The following MAMDC2 variants were observed in gnomAD, a reference collection of about 807,000 sequenced individuals.
The protein encoded by MAMDC2 is MAM domain-containing protein 2.
Under a neutral mutation model 89.8 loss-of-function variants are expected in MAMDC2, and 57 were observed. The observed-to-expected ratio is 0.63, with a 90% confidence interval of 0.51 to 0.79. MAMDC2 has a LOEUF of 0.79. MAMDC2 is among the 30% of genes least tolerant of loss of function. The probability of loss-of-function intolerance (pLI) is 0.00; values close to 1 mark genes in which losing one functional copy is unlikely to be tolerated. For missense variants in MAMDC2, 800 were observed against 820.6 expected (o/e 0.97, Z 0.31); for synonymous variants, 313 against 293.4 (o/e 1.07, Z -0.68).
chr9:70,068,871 GA>G (rs1327591214), intron 2 of MAMDC2, among the ~76,000 whole-genome samples: 2 of 152,150 alleles, frequency 1.3e-5, no homozygotes, highest in African/African-American at 2.4e-5. Context: ...GAGGACAGCA[GA>G]AAAGTTTTCT....
At chr9:70,147,624 G>A (rs1465065675) in intron 9 of MAMDC2, among the ~76,000 whole-genome samples, 2 of 149,696 alleles carry the variant, frequency 1.3e-5, no homozygotes, top group Non-Finnish European at 3.0e-5. Context: ...CCCCGACCCC[G>A]CATTTCCCTT....
intron 2 of MAMDC2, among the ~76,000 whole-genome samples, chr9:70,049,155 G>A (rs1286329743): frequency 6.6e-6 from 1 of 152,068 alleles, no homozygotes; most frequent in Non-Finnish European, 1.5e-5. Context: ...TTGTACCCAG[G>A]AGTGAGTGAT....
At chr9:70,167,894 T>C (rs769086929) in intron 9 of MAMDC2, among the ~76,000 whole-genome samples, 1 of 152,204 alleles carries the variant, frequency 6.6e-6, no homozygotes, top group African/African-American at 2.4e-5. Context: ...AAATGGAACA[T>C]AAGCCTCCAG....
In MAMDC2 at chr9:70,217,551, G is replaced by A; in HGVS notation, c.1652-786G>A. On this transcript the variant is annotated intron_variant, in intron 11 of 13. Coordinates refer to ENST00000377182, the MANE Select transcript of MAMDC2 (RefSeq NM_153267.5). Reference sequence around the variant, plus strand: ...CTGCTAAGGAAGCAAAAAAGGCTAAGCAAGCATCTAAAAAGACTGCAATGG... The same window carrying A: ...CTGCTAAGGAAGCAAAAAAGGCTAAACAAGCATCTAAAAAGACTGCAATGG... The A allele has an allele frequency of 1.9e-6, 3 of 1,590,664 alleles. No homozygotes were observed. In the Admixed American group the frequency reaches 5.0e-5, roughly 27 times the overall value.
chr9:70,082,314 TG>T (rs1172125622), intron 2 of MAMDC2, among the ~76,000 whole-genome samples: 1 of 152,178 alleles, frequency 6.6e-6, no homozygotes, highest in African/African-American at 2.4e-5. Context: ...TAAGATGGTG[TG>T]GGTAACAGCC....
rs571248142 is a variant in MAMDC2, at chr9:70,209,522, C to G, written c.1652-8815C>G. 2.9e-5 allele frequency among the ~76,000 whole-genome samples: 4 copies of G among 139,296 alleles called. No homozygotes were observed. In the East Asian group the frequency reaches 8.7e-4, roughly 30 times the overall value. 91.4% of individuals were successfully genotyped at this position (139,296 alleles called of 152,430 possible). ...TGCATCTATTTGATTCTTCTCTGTT[C>G]TTTTTTATTAGTCTGAGCGGTCTAT... On this transcript the variant is annotated intron_variant, in intron 11 of 13. Transcript: ENST00000377182.
At position 70,113,147 on chromosome 9, in the gene MAMDC2, A is replaced by C. The variant is rs1275273455; in HGVS notation, c.643+15A>C. On this transcript the variant is annotated intron_variant, in intron 5 of 13. Transcript: ENST00000377182. ...GAGTGAACTGGGTGAGCTGGGATCA[A>C]ATAGAGTCCTTTTCCCAGGATAAAT... 6 of 1,613,478 alleles carry C rather than the reference A, an allele frequency of 3.7e-6. No homozygotes were observed. The Admixed American group carries it at 6.7e-5, about 18-fold the overall frequency.
At chr9:70,191,357 AT>A (rs901803114) in intron 11 of MAMDC2, among the ~76,000 whole-genome samples, 152 of 151,220 alleles carry the variant, frequency 1.0e-3, no homozygotes, top group African/African-American at 3.1e-3. Flanking sequence ...TGTTTTATCT[AT>A]TTTTTTAAAC....
chr9:70,092,261 G>A (rs1206344240), intron 2 of MAMDC2: 3 of 152,176 alleles, frequency 2.0e-5, no homozygotes, highest in South Asian at 2.1e-4. Context: ...CTGGGGAGGT[G>A]TGTAGGCTTT....
Position 70,218,457 on chromosome 9 carries a change from G to A in MAMDC2, c.1772G>A (p.Gly591Glu), listed in dbSNP as rs765759919. 6.2e-7 allele frequency: 1 copy of A among 1,614,068 alleles called. No individual in the cohort carries two copies. The highest frequency in any genetic ancestry group is 1.3e-5 in the African/African-American group (1 of 74,918). ...TTGACCTTTTTCTACCACATGTATG[G>A]AGGGGGCACTGGCCTGCTGAGTGTT... Reference protein sequence around the residue: ...HCLTFFYHMYGGGTGLLSVYL... With the variant: ...HCLTFFYHMYEGGTGLLSVYL... The change falls in exon 12 of 14, where the codon GGA becomes GAA. Residue 591 changes from glycine (G) to glutamate (E), a missense_variant. By Grantham distance (98) the Gly-to-Glu change is moderately conservative. Coordinates refer to ENST00000377182, the MANE Select transcript of MAMDC2 (RefSeq NM_153267.5).
At chr9:70,219,677 G>A (rs1195702473) in intron 12 of MAMDC2, among the ~76,000 whole-genome samples, 1 of 152,196 alleles carries the variant, frequency 6.6e-6, no homozygotes, top group Non-Finnish European at 1.5e-5. Context: ...ATCTGGGAAA[G>A]GCCCATTATC....
chr9:70,131,143 G>A (rs531117311), intron 6 of MAMDC2, among the ~76,000 whole-genome samples: 20 of 152,174 alleles, frequency 1.3e-4, no homozygotes, highest in South Asian at 2.1e-4. Context: ...CATTGTGTCC[G>A]CAAATTCCAG....
Position 70,107,705 on chromosome 9 carries a change from G to A in MAMDC2, c.149-506G>A, listed in dbSNP as rs113962807. 3.3e-3 allele frequency among the ~76,000 whole-genome samples: 503 copies of A among 152,298 alleles called. 7 individuals are homozygous for A. The Middle Eastern group carries it at 0.034, about 10-fold the overall frequency. On this transcript the variant is annotated intron_variant, in intron 2 of 13. Coordinates refer to ENST00000377182, the MANE Select transcript of MAMDC2 (RefSeq NM_153267.5). ...AAATCAATTCAGTCTACATAATGAT[G>A]CAAGTTAAATGCAGATTGAAACATT...
intron 9 of MAMDC2, among the ~76,000 whole-genome samples, chr9:70,156,775 T>C (rs2031779038): frequency 6.6e-6 from 1 of 152,194 alleles, no homozygotes; most frequent in Non-Finnish European, 1.5e-5. Flanking sequence ...GTTCATGAAT[T>C]CTACATTGCT....
intron 12 of MAMDC2, among the ~76,000 whole-genome samples, chr9:70,219,547 CA>C (rs763368263): frequency 6.6e-6 from 1 of 152,188 alleles, no homozygotes; most frequent in South Asian, 2.1e-4. Flanking sequence ...AACCTATGAC[CA>C]AAAATAATTT....
At chr9:70,199,153 C>A (rs1351928724) in intron 11 of MAMDC2, among the ~76,000 whole-genome samples, 6 of 146,048 alleles carry the variant, frequency 4.1e-5, no homozygotes, top group Non-Finnish European at 6.0e-5. Context: ...GTGCGCTGCA[C>A]CCACTAACTC....
At chr9:70,155,568 T>C (rs1411576100) in intron 9 of MAMDC2, among the ~76,000 whole-genome samples, 1 of 152,238 alleles carries the variant, frequency 6.6e-6, no homozygotes, top group Non-Finnish European at 1.5e-5. Flanking sequence ...TGCCAATATA[T>C]GTTAGTCTCC....
chr9:70,056,968 G>C (rs1200182643), intron 2 of MAMDC2, among the ~76,000 whole-genome samples: 3 of 152,176 alleles, frequency 2.0e-5, no homozygotes, highest in Non-Finnish European at 4.4e-5. Context: ...CAACTTTCTA[G>C]TTGCAGAAAA....
intron 11 of MAMDC2, among the ~76,000 whole-genome samples, chr9:70,191,079 A>T (rs567933009): frequency 2.0e-5 from 3 of 152,156 alleles, no homozygotes; most frequent in African/African-American, 7.2e-5. Flanking sequence ...AGCAAAATTC[A>T]GTCATTTTTA....
Sources: allele counts gnomAD v4.1 joint callset (sites outside exome capture counted in the v4.1 genomes callset), GRCh38; gene constraint gnomAD v4.1.1; transcripts MANE v1.5; gene names NCBI Gene and HGNC (gene_info 2026-07-23, HGNC 2026-07-21).